NEO1: variants seen among roughly 807,000 people sequenced by gnomAD.
NEO1 encodes the protein neogenin 1.
In NEO1, 63 loss-of-function variants were observed where a neutral mutation model predicts 159.7. The ratio of observed to expected loss-of-function variants is 0.39; its 90% CI spans 0.32 to 0.49. The LOEUF (loss-of-function observed/expected upper bound fraction) is 0.49. NEO1 is among the 20% of genes least tolerant of loss of function. The pLI is 0.85. For missense variants in NEO1, 1,615 were observed against 1,831.0 expected (o/e 0.88, Z 2.15); for synonymous variants, 633 against 662.0 (o/e 0.96, Z 0.67).
intron 4 of NEO1, among the ~76,000 whole-genome samples, chr15:73,127,299 CA>C (rs1209541085): frequency 1.3e-5 from 2 of 151,810 alleles, no homozygotes; most frequent in Admixed American, 1.3e-4. Flanking sequence ...TCAGAAATCA[CA>C]AATTCTTCAT....
chr15:73,101,748 C>G (rs993561569), intron 1 of NEO1, among the ~76,000 whole-genome samples: 1 of 152,140 alleles, frequency 6.6e-6, no homozygotes, highest in African/African-American at 2.4e-5. Context: ...GAGTCCCATC[C>G]TTGATACTCT....
intron 16 of NEO1, among the ~76,000 whole-genome samples, chr15:73,266,842 G>GT (rs1208758124): frequency 6.6e-6 from 1 of 152,158 alleles, no homozygotes; most frequent in African/African-American, 2.4e-5. Flanking sequence ...TTAGGAAAGT[G>GT]TTTTTCTATG....
chr15:73,120,160 T>A (rs4776626), intron 2 of NEO1, among the ~76,000 whole-genome samples: 19,687 of 151,032 alleles, frequency 0.13, 1,960 homozygotes, highest in African/African-American at 0.27. Context: ...TTAATTAATT[T>A]AATTTAATTT....
chr15:73,218,612 T>C (rs1247000832), intron 7 of NEO1, among the ~76,000 whole-genome samples: 12 of 151,920 alleles, frequency 7.9e-5, no homozygotes, highest in East Asian at 3.9e-4. Context: ...GCTCCTGTTA[T>C]TGGTCTATTC....
chr15:73,169,990 T>G (rs1447416510), intron 5 of NEO1, among the ~76,000 whole-genome samples: 1 of 152,080 alleles, frequency 6.6e-6, no homozygotes, highest in Non-Finnish European at 1.5e-5. Context: ...TTTGTTTGAA[T>G]GTACCTTGTC....
At chr15:73,301,542 T>C in intron 28 of NEO1, 85 bp downstream of exon 28, 1 of 1,574,998 alleles carries the variant, frequency 6.3e-7, no homozygotes, top group Non-Finnish European at 8.7e-7. Context: ...TGATAATCTG[T>C]GCATACCAGG....
intron 23 of NEO1, among the ~76,000 whole-genome samples, chr15:73,287,979 T>C (rs897582267): frequency 6.6e-6 from 1 of 152,222 alleles, no homozygotes; most frequent in African/African-American, 2.4e-5. Context: ...AATTAGAAAC[T>C]TGTGGATGAA....
intron 1 of NEO1, among the ~76,000 whole-genome samples, chr15:73,061,992 T>G (rs576799657): frequency 3.3e-5 from 5 of 152,378 alleles, no homozygotes; most frequent in African/African-American, 1.2e-4. Context: ...GAACCCACGT[T>G]TATAAATGTC....
chr15:73,127,106 C>G (rs1355315953), intron 4 of NEO1, among the ~76,000 whole-genome samples: 1 of 152,056 alleles, frequency 6.6e-6, no homozygotes, highest in Non-Finnish European at 1.5e-5. Flanking sequence ...TGGCATGTGC[C>G]TGTAGTCCCA....
intron 28 of NEO1, 187 bp downstream of exon 28, chr15:73,301,644 C>A: frequency 5.7e-6 from 4 of 706,566 alleles, no homozygotes; most frequent in Non-Finnish European, 9.0e-6. Context: ...GTGCTGAGGA[C>A]TTGGTGTGCT....
rs2042703579 is a variant in NEO1, at chr15:73,303,873, C to T, written c.*1177C>T. Reference sequence around the variant, plus strand: ...CCCTTTCCTGCTGCTATTATTGGCTCTCTTTGAGGAAGTTGGAGGTTAAGG... The same window carrying T: ...CCCTTTCCTGCTGCTATTATTGGCTTTCTTTGAGGAAGTTGGAGGTTAAGG... On this transcript the variant is annotated 3_prime_UTR_variant, in exon 29 of 29. Transcript: ENST00000261908. 6.6e-6 allele frequency: 1 copy of T among 152,162 alleles called. No homozygotes were observed. The highest frequency in any genetic ancestry group is 1.5e-5 in the Non-Finnish European group (1 of 68,056). 9.4% of individuals were successfully genotyped at this position (152,162 alleles called of 1,614,324 possible).
intron 5 of NEO1, among the ~76,000 whole-genome samples, chr15:73,154,707 T>G (rs1330924641): frequency 6.6e-6 from 1 of 152,220 alleles, no homozygotes; most frequent in African/African-American, 2.4e-5. Context: ...GAAATATCTT[T>G]TTCCACCCTT....
chr15:73,157,013 T>G (rs1408102846), intron 5 of NEO1, among the ~76,000 whole-genome samples: 1 of 152,206 alleles, frequency 6.6e-6, no homozygotes, highest in Non-Finnish European at 1.5e-5. Context: ...AAGTAGGACT[T>G]ACTTCCTTCT....
In NEO1 at chr15:73,052,593, G is replaced by T. The variant is rs1437624441; in HGVS notation, c.-83G>T. On this transcript the variant is annotated 5_prime_UTR_variant, in exon 1 of 29. Transcript: ENST00000261908. ...CGCGGGAGCCGAGCTTGCAGCGAGG[G>T]ACCGGCTGAGGCGCGCGGGAGGGAA... The T allele has an allele frequency of 7.7e-6, 7 of 904,186 alleles. No individual in the cohort carries two copies. The African/African-American group carries it at 9.1e-5, about 12-fold the overall frequency. 56.0% of individuals were successfully genotyped at this position (904,186 alleles called of 1,614,324 possible).
chr15:73,190,474 C>G (rs182713202), intron 7 of NEO1, among the ~76,000 whole-genome samples: 4 of 152,238 alleles, frequency 2.6e-5, no homozygotes, highest in Admixed American at 2.6e-4. Context: ...AGAATACACA[C>G]TGAGCATCCC....
At chr15:73,083,472 T>C (rs1385958518) in intron 1 of NEO1, among the ~76,000 whole-genome samples, 2 of 151,990 alleles carry the variant, frequency 1.3e-5, no homozygotes, top group Non-Finnish European at 2.9e-5. Flanking sequence ...TCCTTAAAGA[T>C]AGAAAGTCGA....
chr15:73,131,016 G>A (rs1243237755), intron 4 of NEO1, among the ~76,000 whole-genome samples: 1 of 152,140 alleles, frequency 6.6e-6, no homozygotes, highest in Non-Finnish European at 1.5e-5. Context: ...GGCTGAGTGG[G>A]AAACCTGAAC....
intron 21 of NEO1, 35 bp from the exon 22 acceptor site, chr15:73,278,096 T>C: frequency 6.3e-7 from 1 of 1,586,152 alleles, no homozygotes; most frequent in Non-Finnish European, 8.6e-7. Flanking sequence ...GCCAAATGTG[T>C]GGGGTCATTA....
chr15:73,268,202 A>G (rs2041004744), intron 16 of NEO1, among the ~76,000 whole-genome samples: 1 of 152,204 alleles, frequency 6.6e-6, no homozygotes, highest in African/African-American at 2.4e-5. Flanking sequence ...TAGCTTTAGT[A>G]TTACAAAAAG....
Sources: gnomAD v4.1 joint callset for allele counts (sites outside exome capture counted in the v4.1 genomes callset) on GRCh38, gnomAD v4.1.1 for gene constraint, MANE v1.5 for transcripts, NCBI Gene and HGNC (gene_info 2026-07-23, HGNC 2026-07-21) for gene names.